The following SPAG16 variants were observed in gnomAD, a reference collection of about 807,000 sequenced individuals.
SPAG16 encodes sperm associated antigen 16, also known as sperm-associated antigen 16 protein.
In SPAG16, 86 loss-of-function variants were observed where a neutral mutation model predicts 80.4. The ratio of observed to expected loss-of-function variants is 1.07; its 90% confidence interval spans 0.90 to 1.28. The LOEUF is 1.28. SPAG16 is among the 50% of genes most tolerant of loss of function. The pLI is 0.00. For missense variants in SPAG16, 870 were observed against 765.3 expected (o/e 1.14, Z -1.61); for synonymous variants, 294 against 265.9 (o/e 1.11, Z -1.03).
chr2:213,556,063 CA>C, intron 10 of SPAG16, among the ~76,000 whole-genome samples: 1 of 151,726 alleles, frequency 6.6e-6, no homozygotes, highest in East Asian at 1.9e-4. Flanking sequence ...AAGCAAAATG[CA>C]AAACCTATAG....
chr2:213,525,526 A>T (rs551825549), intron 10 of SPAG16, among the ~76,000 whole-genome samples: 3 of 151,958 alleles, frequency 2.0e-5, no homozygotes, highest in Admixed American at 2.0e-4. Flanking sequence ...TGACCTTGTG[A>T]TCTACCCGCC....
intron 15 of SPAG16, among the ~76,000 whole-genome samples, chr2:214,403,906 C>A (rs923054606): frequency 6.6e-6 from 1 of 152,098 alleles, no homozygotes; most frequent in East Asian, 1.9e-4. Flanking sequence ...TCAGAAAAGG[C>A]AGATCTTGTA....
chr2:213,287,330 T>C (rs2062091662), intron 1 of SPAG16, among the ~76,000 whole-genome samples: 1 of 152,214 alleles, frequency 6.6e-6, no homozygotes, highest in South Asian at 2.1e-4. Context: ...TTTTCAACTG[T>C]AGTAGTGAGG....
intron 10 of SPAG16, among the ~76,000 whole-genome samples, chr2:213,588,066 T>C (rs1367865729): frequency 6.6e-6 from 1 of 152,220 alleles, no homozygotes; most frequent in Non-Finnish European, 1.5e-5. Context: ...TCATAATGGT[T>C]TGTTATTCAA....
intron 15 of SPAG16, among the ~76,000 whole-genome samples, chr2:214,186,918 C>T (rs543385984): frequency 1.3e-3 from 203 of 152,172 alleles, no homozygotes; most frequent in African/African-American, 3.0e-3. Context: ...TGCCACCATG[C>T]GAGGCTAATT....
At chr2:213,774,300 A>G (rs2069435047) in intron 10 of SPAG16, among the ~76,000 whole-genome samples, 1 of 152,230 alleles carries the variant, frequency 6.6e-6, no homozygotes, top group Non-Finnish European at 1.5e-5. Context: ...GTTGACAGGG[A>G]CATAATCCTT....
chr2:213,574,880 A>G (rs1006654616), intron 10 of SPAG16, among the ~76,000 whole-genome samples: 1 of 152,024 alleles, frequency 6.6e-6, no homozygotes, highest in Non-Finnish European at 1.5e-5. Context: ...TTATACACAC[A>G]TACAACCATA....
At chr2:214,212,703 A>C (rs143984275) in intron 15 of SPAG16, among the ~76,000 whole-genome samples, 1 of 151,890 alleles carries the variant, frequency 6.6e-6, no homozygotes, top group Non-Finnish European at 1.5e-5. Flanking sequence ...AGCTAGCTCT[A>C]CTCTTTCTAT....
chr2:213,754,819 C>T (rs1196262584), intron 10 of SPAG16, among the ~76,000 whole-genome samples: 3 of 152,124 alleles, frequency 2.0e-5, no homozygotes, highest in East Asian at 3.8e-4. Context: ...GGCCTTAAGA[C>T]ATGTTAAGCA....
chr2:214,236,855 A>G (rs1689117048), intron 15 of SPAG16, among the ~76,000 whole-genome samples: 1 of 152,136 alleles, frequency 6.6e-6, no homozygotes, highest in Admixed American at 6.6e-5. Flanking sequence ...CCATAAGGCT[A>G]TGGCAAAGCT....
intron 10 of SPAG16, among the ~76,000 whole-genome samples, chr2:213,846,693 ATG>A (rs1334656180): frequency 3.9e-5 from 6 of 152,208 alleles, no homozygotes; most frequent in East Asian, 1.9e-4. Context: ...CATGTAATAT[ATG>A]TCTTTTAATT....
intron 10 of SPAG16, among the ~76,000 whole-genome samples, chr2:213,624,399 C>T (rs926830649): frequency 6.6e-6 from 1 of 152,048 alleles, no homozygotes; most frequent in African/African-American, 2.4e-5. Flanking sequence ...GAATATATCT[C>T]TAACTTTCTT....
At chr2:214,108,367 G>T (rs1157019734) in intron 14 of SPAG16, 106 bp downstream of exon 14, 1 of 805,482 alleles carries the variant, frequency 1.2e-6, no homozygotes, top group East Asian at 3.1e-5. Flanking sequence ...GAGGTGAGAA[G>T]AACAACTTTA....
At chr2:214,292,929 CTT>C (rs1177605961) in intron 15 of SPAG16, among the ~76,000 whole-genome samples, 2 of 152,154 alleles carry the variant, frequency 1.3e-5, no homozygotes, top group Non-Finnish European at 2.9e-5. Flanking sequence ...TCAGTGGTAT[CTT>C]TGAATTCCTC....
intron 13 of SPAG16, among the ~76,000 whole-genome samples, chr2:214,035,302 T>C (rs1320512045): frequency 6.6e-6 from 1 of 152,084 alleles, no homozygotes; most frequent in Non-Finnish European, 1.5e-5. Context: ...CCCCCAGGCT[T>C]CAGGCCCTCC....
At chr2:213,758,323 T>C (rs2068456632) in intron 10 of SPAG16, among the ~76,000 whole-genome samples, 1 of 151,870 alleles carries the variant, frequency 6.6e-6, no homozygotes, top group Admixed American at 6.6e-5. Context: ...ATACAAAAAA[T>C]TAAGAAACTA....
In SPAG16 at chr2:214,018,622, A is replaced by G. The variant is rs559369911; in HGVS notation, c.1527+4545A>G. On this transcript the variant is annotated intron_variant, in intron 13 of 15. Coordinates refer to ENST00000331683, the MANE Select transcript of SPAG16 (RefSeq NM_024532.5). ...TTAAAATATGTTAATTCCTTGATACATGATAAATTGTCAGGTTATCCTGAA... is the reference window on the plus strand; with the variant it reads ...TTAAAATATGTTAATTCCTTGATACGTGATAAATTGTCAGGTTATCCTGAA... Among the ~76,000 whole-genome samples, 3 of 152,256 alleles carry G rather than the reference A, an allele frequency of 2.0e-5. No homozygotes were observed. In the South Asian group the frequency reaches 6.2e-4, roughly 32 times the overall value.
intron 10 of SPAG16, among the ~76,000 whole-genome samples, chr2:213,581,647 G>A (rs951295266): frequency 6.6e-6 from 1 of 152,084 alleles, no homozygotes; most frequent in African/African-American, 2.4e-5. Context: ...AGTACAATTA[G>A]AGCCAGTGGA....
At chr2:213,415,830 A>C (rs1163749873) in intron 9 of SPAG16, among the ~76,000 whole-genome samples, 1 of 152,188 alleles carries the variant, frequency 6.6e-6, no homozygotes, top group Non-Finnish European at 1.5e-5. Context: ...AACTTGGGAA[A>C]ATGAAAAGCC....
Sources: allele counts gnomAD v4.1 joint callset (sites outside exome capture counted in the v4.1 genomes callset), GRCh38; gene constraint gnomAD v4.1.1; transcripts MANE v1.5; gene names NCBI Gene and HGNC (gene_info 2026-07-23, HGNC 2026-07-21).